Variants in LRFN5 observed in about 807,000 individuals in gnomAD.
LRFN5 encodes the protein leucine-rich repeat and fibronectin type-III domain-containing protein 5.
A neutral mutation model predicts 45.6 loss-of-function variants in LRFN5; 24 were observed. That is an observed-to-expected ratio of 0.53 (90% confidence interval 0.38 to 0.74). The LOEUF (loss-of-function observed/expected upper bound fraction) is 0.74. Ranked by LOEUF, LRFN5 falls within the 30% of genes least tolerant of loss-of-function variation. LRFN5 has a pLI of 0.00. For synonymous variants in LRFN5, 340 were observed against 313.8 expected (o/e 1.08, Z -0.88); for missense variants, 776 against 861.5 (o/e 0.90, Z 1.24).
At chr14:41,651,449 C>T (rs1352833363) in intron 1 of LRFN5, among the ~76,000 whole-genome samples, 2 of 152,216 alleles carry the variant, frequency 1.3e-5, no homozygotes, top group African/African-American at 4.8e-5. Context: ...TGTACACTTA[C>T]AGAAAGAACT....
At chr14:41,834,639 AT>A (rs1468192139) in intron 2 of LRFN5, among the ~76,000 whole-genome samples, 1 of 151,702 alleles carries the variant, frequency 6.6e-6, no homozygotes, top group Non-Finnish European at 1.5e-5. Flanking sequence ...TTGTGGGTGG[AT>A]TTTTTTTGTT....
Position 41,886,850 on chromosome 14 carries a change from C to A in LRFN5, c.225C>A (p.Thr75=). ...AAAGGAAAGATTTTGCCAATATGAC[C>A]AGCTTGGTGGACCTGACTCTATCCA... The part of the protein sequence containing the change: ...NIKRKDFANM[T]SLVDLTLSRN... The change falls in exon 3 of 6, where the codon ACC becomes ACA. Residue 75 remains threonine (T), a synonymous_variant. Transcript: ENST00000298119. 1 of 1,614,042 alleles carries A rather than the reference C, an allele frequency of 6.2e-7. No homozygotes were observed. The highest frequency in any genetic ancestry group is 8.5e-7 in the Non-Finnish European group (1 of 1,179,986).
At chr14:41,897,851 C>G (rs1320267396) in intron 4 of LRFN5, among the ~76,000 whole-genome samples, 1 of 152,026 alleles carries the variant, frequency 6.6e-6, no homozygotes, top group East Asian at 1.9e-4. Context: ...ATTTAATGTA[C>G]TTGTGCTTGG....
At chr14:41,865,673 G>A (rs1368832401) in intron 2 of LRFN5, among the ~76,000 whole-genome samples, 5 of 152,098 alleles carry the variant, frequency 3.3e-5, no homozygotes, top group African/African-American at 1.2e-4. Context: ...ACACATATTT[G>A]CATTTGCAAA....
At chr14:41,685,882 T>C (rs987790027) in intron 1 of LRFN5, among the ~76,000 whole-genome samples, 2 of 152,296 alleles carry the variant, frequency 1.3e-5, no homozygotes, top group African/African-American at 2.4e-5. Flanking sequence ...TGTAGTATAG[T>C]TCAAAGTCAG....
chr14:41,863,497 C>A (rs1889738174), intron 2 of LRFN5, among the ~76,000 whole-genome samples: 1 of 152,068 alleles, frequency 6.6e-6, no homozygotes. Context: ...AGAATGTTTT[C>A]TAATCTATTT....
intron 1 of LRFN5, among the ~76,000 whole-genome samples, chr14:41,693,478 A>AT (rs929252908): frequency 1.3e-5 from 2 of 151,664 alleles, no homozygotes; most frequent in African/African-American, 4.8e-5. Flanking sequence ...GGTGTGTTTT[A>AT]TTTTTTCTCA....
intron 2 of LRFN5, among the ~76,000 whole-genome samples, chr14:41,844,436 CAA>C (rs35445324): frequency 1.4e-5 from 2 of 138,542 alleles, no homozygotes; most frequent in Admixed American, 7.3e-5. Flanking sequence ...GACTCCGTCT[CAA>C]AAAAAAAAAA....
intron 2 of LRFN5, among the ~76,000 whole-genome samples, chr14:41,846,430 G>T (rs1050320319): frequency 6.6e-6 from 1 of 152,086 alleles, no homozygotes; most frequent in Non-Finnish European, 1.5e-5. Context: ...AGCAATGAAA[G>T]TGAAAACAAT....
intron 1 of LRFN5, among the ~76,000 whole-genome samples, chr14:41,726,998 C>T (rs1000475335): frequency 3.3e-5 from 5 of 152,064 alleles, no homozygotes; most frequent in Non-Finnish European, 5.9e-5. Context: ...TGTTGCAAAA[C>T]GAGGTCATAA....
intron 2 of LRFN5, among the ~76,000 whole-genome samples, chr14:41,822,283 T>G (rs528751450): frequency 6.6e-6 from 1 of 152,042 alleles, no homozygotes; most frequent in South Asian, 2.1e-4. Context: ...ATCCTTTCAA[T>G]GTAGGCATTT....
Position 41,607,075 on chromosome 14 carries a change from G to A in LRFN5, c.-1684G>A, listed in dbSNP as rs1887514196. ...CGCGGTGGCCAGCGGGCGGGGCGCT[G>A]TGTTCCGCGGCGCGCAGGGAGGCGG... On this transcript the variant is annotated 5_prime_UTR_variant, in exon 1 of 6. The change creates a new upstream start codon in the 5' untranslated region. Coordinates refer to ENST00000298119, the MANE Select transcript of LRFN5 (RefSeq NM_152447.5). Among the ~76,000 whole-genome samples the A allele has an allele frequency of 6.6e-6, 1 of 152,172 alleles. No individual in the cohort carries two copies. The highest frequency in any genetic ancestry group is 2.4e-5 in the African/African-American group (1 of 41,448).
intron 1 of LRFN5, among the ~76,000 whole-genome samples, chr14:41,745,998 T>C (rs1368168441): frequency 6.6e-6 from 1 of 152,018 alleles, no homozygotes; most frequent in Admixed American, 6.6e-5. Context: ...CCTAACTCAT[T>C]CTATGAGGCC....
chr14:41,673,695 G>A (rs1306835352), intron 1 of LRFN5, among the ~76,000 whole-genome samples: 3 of 141,228 alleles, frequency 2.1e-5, no homozygotes, highest in Admixed American at 7.0e-5. Context: ...CTCCCTCCTG[G>A]ATGGGGTGGC....
At chr14:41,756,930 GT>G (rs1383877336) in intron 1 of LRFN5, among the ~76,000 whole-genome samples, 3 of 150,748 alleles carry the variant, frequency 2.0e-5, no homozygotes, top group Non-Finnish European at 3.0e-5. Context: ...TACAGATGGG[GT>G]TTTGGTGTGG....
chr14:41,727,792 A>T (rs766767957), intron 1 of LRFN5, among the ~76,000 whole-genome samples: 1 of 152,150 alleles, frequency 6.6e-6, no homozygotes, highest in African/African-American at 2.4e-5. Flanking sequence ...TTCTGGCAGT[A>T]CCTTTGGCTG....
At chr14:41,893,809 C>T in intron 4 of LRFN5, 1 of 985,304 alleles carries the variant, frequency 1.0e-6, no homozygotes, top group Non-Finnish European at 1.2e-6. Flanking sequence ...CCCTTCTCTG[C>T]CCTGATTCTC....
chr14:41,825,228 A>G (rs887572624), intron 2 of LRFN5, among the ~76,000 whole-genome samples: 3 of 152,134 alleles, frequency 2.0e-5, no homozygotes, highest in Non-Finnish European at 4.4e-5. Context: ...TAGACCTGGA[A>G]TGGCCATCCA....
intron 4 of LRFN5, chr14:41,892,469 A>G (rs571495976): frequency 1.0e-6 from 1 of 981,598 alleles, no homozygotes; most frequent in African/African-American, 1.7e-5. Context: ...ATTGTTGTAG[A>G]AAAAAGTATT....
Sources: allele counts gnomAD v4.1 joint callset (sites outside exome capture counted in the v4.1 genomes callset), GRCh38; gene constraint gnomAD v4.1.1; transcripts MANE v1.5; gene names NCBI Gene and HGNC (gene_info 2026-07-23, HGNC 2026-07-21).